Variants in DOCK8 observed in about 807,000 individuals in gnomAD.
DOCK8 encodes dedicator of cytokinesis protein 8.
A neutral mutation model predicts 245.6 loss-of-function variants in DOCK8; 141 were observed. The observed-to-expected ratio is 0.57, with a 90% CI of 0.50 to 0.66. The LOEUF is 0.66. Ranked by LOEUF, DOCK8 falls within the 30% of genes least tolerant of loss-of-function variation. The probability of loss-of-function intolerance (pLI) is 0.00; values close to 1 mark genes in which losing one functional copy is unlikely to be tolerated. For missense variants in DOCK8, 2,965 were observed against 2,603.4 expected, an observed-to-expected ratio of 1.14 and a Z score of -3.02; for synonymous variants, 1,168 against 970.2, an observed-to-expected ratio of 1.20 and a Z score of -3.79.
rs1195161583 is a variant in DOCK8, at chr9:440,675, T to C, written c.5224-611T>C. Among the ~76,000 whole-genome samples the C allele has an allele frequency of 2.6e-5, 4 of 152,296 alleles. No individual in the cohort carries two copies. The South Asian group carries it at 6.2e-4, about 24-fold the overall frequency. On this transcript the variant is annotated intron_variant, in intron 40 of 47. Coordinates refer to ENST00000432829, the MANE Select transcript of DOCK8 (RefSeq NM_203447.4). ...AAATTTAAATATACTAAAACTGCCT[T>C]TCTGAATTGCTGTTAGTCCCTGCTA... is the stretch of plus-strand genomic sequence containing the variant.
At chr9:392,329 CAGA>C (rs1000234042) in intron 24 of DOCK8, among the ~76,000 whole-genome samples, 5 of 152,112 alleles carry the variant, frequency 3.3e-5, no homozygotes, top group African/African-American at 7.2e-5. Context: ...GAATAGAGTT[CAGA>C]AGAAGTCAGG....
intron 27 of DOCK8, among the ~76,000 whole-genome samples, chr9:406,148 C>A (rs1448253034): frequency 6.6e-6 from 1 of 152,208 alleles, no homozygotes; most frequent in African/African-American, 2.4e-5. Context: ...CCTGACATCA[C>A]TTGTAGTTCC....
intron 1 of DOCK8, among the ~76,000 whole-genome samples, chr9:253,308 A>C (rs116460643): frequency 2.5e-4 from 38 of 152,296 alleles, no homozygotes; most frequent in Admixed American, 5.9e-4. Flanking sequence ...ATGTGCTTTA[A>C]GGTGGTGGGA....
intron 5 of DOCK8, among the ~76,000 whole-genome samples, chr9:310,801 A>T (rs1225662903): frequency 6.6e-6 from 1 of 152,226 alleles, no homozygotes; most frequent in African/African-American, 2.4e-5. Flanking sequence ...ACTTTAAATT[A>T]TTATCAGAAA....
At chr9:302,784 A>G (rs778268659) in intron 4 of DOCK8, among the ~76,000 whole-genome samples, 1 of 152,170 alleles carries the variant, frequency 6.6e-6, no homozygotes, top group African/African-American at 2.4e-5. Flanking sequence ...ATACAAATCA[A>G]AACCACAGTG....
intron 20 of DOCK8, among the ~76,000 whole-genome samples, chr9:378,619 T>G (rs978864018): frequency 1.3e-5 from 2 of 152,244 alleles, no homozygotes; most frequent in African/African-American, 4.8e-5. Flanking sequence ...CCCGCATATG[T>G]GGCACACTGC....
intron 5 of DOCK8, among the ~76,000 whole-genome samples, chr9:306,342 A>T (rs942193101): frequency 1.3e-5 from 2 of 152,216 alleles, no homozygotes; most frequent in African/African-American, 4.8e-5. Flanking sequence ...GGGATAGAAT[A>T]CCTGGATGCT....
intron 3 of DOCK8, among the ~76,000 whole-genome samples, chr9:289,077 A>G (rs1431005876): frequency 1.3e-5 from 2 of 152,216 alleles, no homozygotes; most frequent in Admixed American, 6.5e-5. Flanking sequence ...GCATAAGACA[A>G]CTGTTCTTTT....
chr9:278,009 C>G (rs564534163), intron 2 of DOCK8, among the ~76,000 whole-genome samples: 1 of 152,200 alleles, frequency 6.6e-6, no homozygotes, highest in African/African-American at 2.4e-5. Context: ...TGCACTTCAT[C>G]TTTCAAGGGG....
intron 1 of DOCK8, among the ~76,000 whole-genome samples, chr9:233,400 A>G (rs1332972010): frequency 8.5e-5 from 13 of 152,168 alleles, no homozygotes; most frequent in Admixed American, 2.0e-4. Flanking sequence ...AGTTCTGTAG[A>G]TGTCTGTTAG....
At chr9:430,485 T>C (rs978098600) in intron 36 of DOCK8, among the ~76,000 whole-genome samples, 5 of 152,006 alleles carry the variant, frequency 3.3e-5, no homozygotes, top group African/African-American at 1.2e-4. Flanking sequence ...AGTCCAAGAC[T>C]AGCCTGGCCA....
At chr9:292,730 T>A (rs185976125) in intron 4 of DOCK8, among the ~76,000 whole-genome samples, 20 of 152,260 alleles carry the variant, frequency 1.3e-4, no homozygotes, top group African/African-American at 4.6e-4. Flanking sequence ...TCTTTTAAAG[T>A]TGTTTTTAAT....
intron 11 of DOCK8, among the ~76,000 whole-genome samples, chr9:335,313 A>T (rs190565892): frequency 1.3e-5 from 2 of 152,186 alleles, no homozygotes; most frequent in Non-Finnish European, 2.9e-5. Context: ...AGACCTGCCC[A>T]TATCACCTGT....
intron 24 of DOCK8, among the ~76,000 whole-genome samples, chr9:395,932 C>T (rs2054432272): frequency 6.6e-6 from 1 of 151,946 alleles, no homozygotes; most frequent in South Asian, 2.1e-4. Context: ...ATCTTTCTGT[C>T]AGTTGACGAA....
chr9:247,587 G>T (rs1290845755), intron 1 of DOCK8, among the ~76,000 whole-genome samples: 7 of 152,066 alleles, frequency 4.6e-5, no homozygotes, highest in Non-Finnish European at 7.3e-5. Context: ...AGGCTGAAGT[G>T]CAGTGACGTG....
At chr9:442,570 C>T (rs1333568027) in intron 42 of DOCK8, among the ~76,000 whole-genome samples, 1 of 152,148 alleles carries the variant, frequency 6.6e-6, no homozygotes, top group African/African-American at 2.4e-5. Context: ...AAAAGTGTAG[C>T]ATGTTGTTAG....
chr9:310,287 C>A (rs934822058), intron 5 of DOCK8, among the ~76,000 whole-genome samples: 24 of 151,072 alleles, frequency 1.6e-4, no homozygotes, highest in Middle Eastern at 6.9e-3. Context: ...AAAATCCAAT[C>A]TTTCCTATTG....
At chr9:266,889 ACTTAT>A (rs144487181) in intron 1 of DOCK8, among the ~76,000 whole-genome samples, 4,965 of 152,310 alleles carry the variant, frequency 0.033, 244 homozygotes, top group African/African-American at 0.11. Context: ...ACATCATGAA[ACTTAT>A]CTTGGACATG....
chr9:245,381 A>T (rs2047483699), intron 1 of DOCK8, among the ~76,000 whole-genome samples: 1 of 151,444 alleles, frequency 6.6e-6, no homozygotes, highest in African/African-American at 2.4e-5. Flanking sequence ...ATTTTTTTGT[A>T]TTTTTTTGTA....
Sources: gnomAD v4.1 joint callset for allele counts (sites outside exome capture counted in the v4.1 genomes callset) on GRCh38, gnomAD v4.1.1 for gene constraint, MANE v1.5 for transcripts, NCBI Gene and HGNC (gene_info 2026-07-23, HGNC 2026-07-21) for gene names.